NALF1: variants seen among roughly 807,000 people sequenced by gnomAD.
NALF1 encodes NALCN channel auxiliary factor 1.
NALF1 carries 3 observed loss-of-function variants against 48.4 expected under a neutral mutation model. The ratio of observed to expected loss-of-function variants is 0.06; its 90% CI spans 0.03 to 0.16. NALF1 has a LOEUF of 0.16. Among genes scored for constraint, NALF1 ranks in the 10% least tolerant of loss-of-function variants. The pLI, the probability that NALF1 is intolerant of heterozygous loss-of-function variation, is 1.00. For missense variants in NALF1, 526 were observed against 571.5 expected, an observed-to-expected ratio of 0.92 and a Z score of 0.81; for synonymous variants, 262 against 245.7, an observed-to-expected ratio of 1.07 and a Z score of -0.62.
At chr13:107,620,947 G>A (rs1212546815) in intron 1 of NALF1, among the ~76,000 whole-genome samples, 1 of 152,058 alleles carries the variant, frequency 6.6e-6, no homozygotes, top group Non-Finnish European at 1.5e-5. Context: ...TTAAACCTTG[G>A]TACTAGAAGT....
chr13:107,481,790 T>TAGGAAGTTTTTG (rs1885258034), intron 1 of NALF1, among the ~76,000 whole-genome samples: 1 of 152,158 alleles, frequency 6.6e-6, no homozygotes, highest in Non-Finnish European at 1.5e-5. Flanking sequence ...GAAGGGCCCC[T>TAGGAAGTTTTTG]AGAGGACAGG....
intron 1 of NALF1, among the ~76,000 whole-genome samples, chr13:107,455,442 T>G (rs1884808444): frequency 6.6e-6 from 1 of 152,204 alleles, no homozygotes; most frequent in African/African-American, 2.4e-5. Flanking sequence ...ATATATCCTG[T>G]GACCACACCC....
intron 1 of NALF1, among the ~76,000 whole-genome samples, chr13:107,558,655 T>C (rs1046608999): frequency 6.6e-6 from 1 of 152,162 alleles, no homozygotes; most frequent in African/African-American, 2.4e-5. Flanking sequence ...AAATTTTATG[T>C]GTCCATTTGA....
chr13:107,608,116 T>C (rs577373610), intron 1 of NALF1, among the ~76,000 whole-genome samples: 31 of 152,348 alleles, frequency 2.0e-4, no homozygotes, highest in African/African-American at 7.2e-4. Context: ...ACAACTTTAA[T>C]GTCTTATTTT....
intron 1 of NALF1, among the ~76,000 whole-genome samples, chr13:107,644,526 C>T (rs574089726): frequency 1.3e-5 from 2 of 151,400 alleles, no homozygotes; most frequent in African/African-American, 4.8e-5. Flanking sequence ...TTCTACTCAA[C>T]CACTCTCCAC....
intron 1 of NALF1, among the ~76,000 whole-genome samples, chr13:107,588,198 A>T (rs1232866098): frequency 6.6e-6 from 1 of 152,112 alleles, no homozygotes; most frequent in Admixed American, 6.6e-5. Flanking sequence ...GTTGCCATAC[A>T]CACATTTCAG....
intron 2 of NALF1, among the ~76,000 whole-genome samples, chr13:107,196,735 T>A (rs1349553003): frequency 6.6e-6 from 1 of 151,988 alleles, no homozygotes; most frequent in Admixed American, 6.6e-5. Context: ...GTAGCAAATA[T>A]GGAGGATGAA....
chr13:107,359,268 G>A (rs1428239723), intron 1 of NALF1, among the ~76,000 whole-genome samples: 2 of 151,882 alleles, frequency 1.3e-5, no homozygotes, highest in African/African-American at 2.4e-5. Flanking sequence ...ATTCATGTAT[G>A]GTACCATGGA....
At chr13:107,408,510 T>C (rs889194832) in intron 1 of NALF1, among the ~76,000 whole-genome samples, 32 of 152,252 alleles carry the variant, frequency 2.1e-4, no homozygotes, top group Middle Eastern at 3.4e-3. Context: ...TGTTAGGCTG[T>C]AGTTGATTGT....
chr13:107,519,589 T>A (rs1379221100), intron 1 of NALF1, among the ~76,000 whole-genome samples: 2 of 152,148 alleles, frequency 1.3e-5, no homozygotes, highest in African/African-American at 4.8e-5. Context: ...TGTTAAACAA[T>A]AGCTGCTTTG....
Position 107,175,102 on chromosome 13 carries a change from G to C in NALF1, c.1088-4316C>G, listed in dbSNP as rs917518788. Among the ~76,000 whole-genome samples, 4 of 134,630 alleles carry C rather than the reference G, an allele frequency of 3.0e-5. No individual in the cohort carries two copies. In the East Asian group the frequency reaches 6.5e-4, roughly 22 times the overall value. The allele number at this position is 134,630 out of a possible 152,430, so 88.3% of individuals were successfully genotyped here. A position where few individuals can be genotyped will look rare whatever the true frequency, so the allele number is the denominator to read the frequency against. ...GACGGGGTTTCATCGTGTTAGCCAG[G>C]ATGTTCTCGATCTCCTGACCTCGTG... is the stretch of plus-strand genomic sequence containing the variant. On this transcript the variant is annotated intron_variant, in intron 2 of 2. Coordinates refer to ENST00000375915, the MANE Select transcript of NALF1 (RefSeq NM_001080396.3).
chr13:107,607,933 G>A (rs1456570926), intron 1 of NALF1, among the ~76,000 whole-genome samples: 2 of 152,164 alleles, frequency 1.3e-5, no homozygotes, highest in Non-Finnish European at 2.9e-5. Context: ...AGAAGGATGA[G>A]CGTTCTGTCA....
At chr13:107,309,227 G>A (rs1881998255) in intron 1 of NALF1, among the ~76,000 whole-genome samples, 1 of 152,204 alleles carries the variant, frequency 6.6e-6, no homozygotes, top group African/African-American at 2.4e-5. Flanking sequence ...AGGAACACCT[G>A]TCTTTGGTGA....
intron 1 of NALF1, among the ~76,000 whole-genome samples, chr13:107,633,209 T>A (rs2138450418): frequency 6.6e-6 from 1 of 152,232 alleles, no homozygotes; most frequent in South Asian, 2.1e-4. Context: ...ACTTTTAAAA[T>A]AAGTGTTTAA....
chr13:107,515,367 T>C (rs1187580380), intron 1 of NALF1, among the ~76,000 whole-genome samples: 1 of 152,188 alleles, frequency 6.6e-6, no homozygotes, highest in Non-Finnish European at 1.5e-5. Flanking sequence ...GTATTAAATA[T>C]CAGTATACTG....
chr13:107,389,987 G>C (rs1883594602), intron 1 of NALF1, among the ~76,000 whole-genome samples: 1 of 152,092 alleles, frequency 6.6e-6, no homozygotes, highest in South Asian at 2.1e-4. Flanking sequence ...TTCTAGGTTT[G>C]ATTTCTCTTT....
intron 1 of NALF1, among the ~76,000 whole-genome samples, chr13:107,240,882 A>G (rs1006161352): frequency 1.3e-5 from 2 of 151,818 alleles, no homozygotes; most frequent in African/African-American, 2.4e-5. Context: ...TACAAGAACT[A>G]TGTCTTAGAA....
chr13:107,479,211 T>G (rs562148154), intron 1 of NALF1, among the ~76,000 whole-genome samples: 1 of 152,180 alleles, frequency 6.6e-6, no homozygotes, highest in African/African-American at 2.4e-5. Context: ...TTTTTCAAAG[T>G]TTTTCCTGAA....
At chr13:107,678,671 A>G (rs6492069) in intron 1 of NALF1, among the ~76,000 whole-genome samples, 99,891 of 152,130 alleles carry the variant, frequency 0.66, 32,845 homozygotes, top group African/African-American at 0.71. Context: ...GGGAGAACTC[A>G]GGAAACTCAC....
Sources: gnomAD v4.1 joint callset for allele counts (sites outside exome capture counted in the v4.1 genomes callset) on GRCh38, gnomAD v4.1.1 for gene constraint, MANE v1.5 for transcripts, NCBI Gene and HGNC (gene_info 2026-07-23, HGNC 2026-07-21) for gene names.